MAPK10: variants seen among roughly 807,000 people sequenced by gnomAD.
The protein encoded by MAPK10 is JNK3 alpha protein kinase.
Under a neutral mutation model 59.3 loss-of-function variants are expected in MAPK10, and 25 were observed. That is an observed-to-expected ratio of 0.42 (90% CI 0.31 to 0.59). The LOEUF is 0.59. MAPK10 is among the 20% of genes least tolerant of loss of function. MAPK10 has a pLI of 0.15. For missense variants in MAPK10, 351 were observed against 568.9 expected (o/e 0.62, Z 3.90); for synonymous variants, 190 against 200.5 (o/e 0.95, Z 0.44).
intron 1 of MAPK10, among the ~76,000 whole-genome samples, chr4:86,583,975 T>C (rs1015690944): frequency 1.3e-5 from 2 of 152,176 alleles, no homozygotes; most frequent in Non-Finnish European, 2.9e-5. Context: ...AATTTATGCA[T>C]AGATGTGTTT....
intron 1 of MAPK10, among the ~76,000 whole-genome samples, chr4:86,533,663 T>C (rs1254523170): frequency 6.6e-6 from 1 of 152,194 alleles, no homozygotes; most frequent in Non-Finnish European, 1.5e-5. Context: ...AACCTTAGTC[T>C]TCCAAGTATC....
chr4:86,325,478 C>T (rs2096001876), intron 2 of MAPK10, among the ~76,000 whole-genome samples: 1 of 152,128 alleles, frequency 6.6e-6, no homozygotes, highest in Non-Finnish European at 1.5e-5. Flanking sequence ...TACTACACTG[C>T]CTCTGAAATT....
rs377600874 is a variant in MAPK10, at chr4:86,159,346, C to T, written c.188G>A (p.Arg63His). The T allele has an allele frequency of 1.7e-5, 27 of 1,612,130 alleles. No individual in the cohort carries two copies. Among genetic ancestry groups the T allele is most frequent in the African/African-American group, 2.7e-5 (2 of 74,724 alleles). Reference protein sequence around the residue: ...VGDSTFTVLKRYQNLKPIGSG... With the variant: ...VGDSTFTVLKHYQNLKPIGSG... ...GCCAATAGGCTTTAGATTCTGGTAGCGCTTGAGAACTGTGAAGGTTGAGTC... is the reference window on the plus strand; with the variant it reads ...GCCAATAGGCTTTAGATTCTGGTAGTGCTTGAGAACTGTGAAGGTTGAGTC... Residue 63 changes from arginine to histidine, a missense_variant, in exon 4 of 14, where the codon CGC becomes CAC. Arg to His is a conservative substitution (Grantham distance 29, BLOSUM62 0). This residue lies in a region of MAPK10 where 8 missense variants were observed against 35.8 expected (regional missense o/e 0.22). Coordinates refer to ENST00000641462, the MANE Select transcript of MAPK10 (RefSeq NM_138982.4).
At chr4:86,089,400 C>A (rs1021637915) in intron 9 of MAPK10, 4 of 647,030 alleles carry the variant, frequency 6.2e-6, no homozygotes, top group Admixed American at 2.4e-5. Context: ...GGATGAGAGG[C>A]CAGTGGCATG....
chr4:86,575,370 A>G (rs1220631858), intron 1 of MAPK10, among the ~76,000 whole-genome samples: 1 of 152,178 alleles, frequency 6.6e-6, no homozygotes, highest in Non-Finnish European at 1.5e-5. Flanking sequence ...ATGGAATCGG[A>G]TGGGAAAGAG....
chr4:86,141,215 AG>A (rs2063570032), intron 4 of MAPK10, among the ~76,000 whole-genome samples: 1 of 152,206 alleles, frequency 6.6e-6, no homozygotes, highest in Non-Finnish European at 1.5e-5. Flanking sequence ...CCTTACAGAA[AG>A]GATATAGTTT....
In MAPK10 at chr4:86,140,357, A is replaced by G. The variant is rs1461123137; in HGVS notation, c.236+18941T>C. ...ACCATGGAATACTATGCAGCCATAA[A>G]AAATGATGAGTTCATGTCCTTTGTA... On this transcript the variant is annotated intron_variant, in intron 4 of 13. Transcript: ENST00000641462. Among the ~76,000 whole-genome samples the G allele has an allele frequency of 8.1e-4, 117 of 144,612 alleles. 2 individuals are homozygous for G. The highest frequency in any genetic ancestry group is 2.8e-3 in the African/African-American group (99 of 35,772). The allele number at this position is 144,612 out of a possible 152,430, so 94.9% of individuals were successfully genotyped here.
At chr4:86,086,108 AC>A (rs2149039949) in intron 9 of MAPK10, among the ~76,000 whole-genome samples, 1 of 152,218 alleles carries the variant, frequency 6.6e-6, no homozygotes, top group South Asian at 2.1e-4. Context: ...GGTGCAGCAA[AC>A]CACCACGGTA....
At chr4:86,403,610 G>A (rs1054938260) in intron 1 of MAPK10, among the ~76,000 whole-genome samples, 1 of 152,160 alleles carries the variant, frequency 6.6e-6, no homozygotes, top group Non-Finnish European at 1.5e-5. Context: ...CCACATGGCT[G>A]AAGAAGCCTC....
chr4:86,527,781 C>T (rs1439360343), intron 1 of MAPK10, among the ~76,000 whole-genome samples: 1 of 152,158 alleles, frequency 6.6e-6, no homozygotes, highest in Non-Finnish European at 1.5e-5. Context: ...CAACAGTGGA[C>T]TGGATAAAGA....
chr4:86,481,033 A>T (rs771099491), intron 1 of MAPK10, among the ~76,000 whole-genome samples: 1 of 152,196 alleles, frequency 6.6e-6, no homozygotes, highest in Non-Finnish European at 1.5e-5. Flanking sequence ...ACCCAGGTAT[A>T]GGACAAGACC....
chr4:86,549,365 C>T (rs1021033259), intron 1 of MAPK10, among the ~76,000 whole-genome samples: 10 of 152,102 alleles, frequency 6.6e-5, no homozygotes, highest in Non-Finnish European at 1.5e-5. Flanking sequence ...TGGTATAGTC[C>T]ATTGCTCCTA....
chr4:86,571,867 A>G (rs902546669), intron 1 of MAPK10, among the ~76,000 whole-genome samples: 2 of 152,124 alleles, frequency 1.3e-5, no homozygotes, highest in Non-Finnish European at 2.9e-5. Flanking sequence ...GGTGTCATTA[A>G]AAATATAAAA....
intron 2 of MAPK10, among the ~76,000 whole-genome samples, chr4:86,208,689 A>C (rs970712450): frequency 6.6e-6 from 1 of 151,852 alleles, no homozygotes; most frequent in Non-Finnish European, 1.5e-5. Flanking sequence ...CAAGACAGGG[A>C]TGCCCTCTCT....
At chr4:86,359,062 T>C (rs755518547) in intron 1 of MAPK10, among the ~76,000 whole-genome samples, 16 of 152,080 alleles carry the variant, frequency 1.1e-4, no homozygotes, top group Non-Finnish European at 1.6e-4. Flanking sequence ...ACGCCAATAG[T>C]TTTATATCTA....
intron 2 of MAPK10, among the ~76,000 whole-genome samples, chr4:86,233,591 TAGGCTAGATTTCTCCTGA>T (rs2091885682): frequency 6.6e-6 from 1 of 152,126 alleles, no homozygotes; most frequent in Non-Finnish European, 1.5e-5. Context: ...GCAGGTCGGA[TAGGCTAGATTTCTCCTGA>T]CCAACATTTT....
At chr4:86,316,384 G>T (rs1019099947) in intron 2 of MAPK10, among the ~76,000 whole-genome samples, 1 of 152,036 alleles carries the variant, frequency 6.6e-6, no homozygotes, top group South Asian at 2.1e-4. Flanking sequence ...AAGAGAGAGA[G>T]AATTGACATA....
rs571118917 is a variant in MAPK10 at position 86,206,622 on chromosome 4, C to T, written c.-6-12215G>A. Reference sequence around the variant, plus strand: ...TCTAGATCCCTGAAGAATCACCACACTGACTTCCACAAGGGTTGAACTAGT... The same window carrying T: ...TCTAGATCCCTGAAGAATCACCACATTGACTTCCACAAGGGTTGAACTAGT... On this transcript the variant is annotated intron_variant, in intron 2 of 13. Transcript: ENST00000641462. Among the ~76,000 whole-genome samples the T allele has an allele frequency of 1.3e-4, 20 of 152,348 alleles. No individual in the cohort carries two copies. In the South Asian group the frequency reaches 3.5e-3, roughly 27 times the overall value.
intron 2 of MAPK10, among the ~76,000 whole-genome samples, chr4:86,346,006 A>T (rs899960421): frequency 6.6e-6 from 1 of 152,224 alleles, no homozygotes; most frequent in African/African-American, 2.4e-5. Context: ...AATTTTATAC[A>T]TGATATCAGA....
Sources: gnomAD v4.1 joint callset for allele counts (sites outside exome capture counted in the v4.1 genomes callset) on GRCh38, gnomAD v4.1.1 for gene constraint, gnomAD v4.1.1 regional missense constraint, MANE v1.5 for transcripts, NCBI Gene and HGNC (gene_info 2026-07-23, HGNC 2026-07-21) for gene names.